DPYD: variants seen among roughly 807,000 people sequenced by gnomAD.
DPYD encodes the protein dihydropyrimidine dehydrogenase [NADP(+)].
Under a neutral mutation model 116.2 loss-of-function variants are expected in DPYD, and 109 were observed. The observed-to-expected ratio is 0.94, with a 90% confidence interval of 0.80 to 1.10. The LOEUF (loss-of-function observed/expected upper bound fraction) is 1.10. DPYD is among the 50% of genes least tolerant of loss of function. The pLI is 0.00. For missense variants in DPYD, 1,302 were observed against 1,254.5 expected, an observed-to-expected ratio of 1.04 and a Z score of -0.57; for synonymous variants, 440 against 432.0, an observed-to-expected ratio of 1.02 and a Z score of -0.23.
chr1:97,270,229 G>A (rs970326563), intron 18 of DPYD, among the ~76,000 whole-genome samples: 8 of 152,080 alleles, frequency 5.3e-5, no homozygotes, highest in African/African-American at 1.7e-4. Context: ...ATAAACAACC[G>A]GAGAATGGGT....
At chr1:97,826,028 G>GTC (rs1669224260) in intron 3 of DPYD, among the ~76,000 whole-genome samples, 5 of 50,112 alleles carry the variant, frequency 1.0e-4, no homozygotes, top group African/African-American at 3.6e-4. Context: ...CCAATAATGT[G>GTC]TGTCTGTGTG....
chr1:97,741,153 A>G (rs1664250187), intron 3 of DPYD, among the ~76,000 whole-genome samples: 1 of 152,110 alleles, frequency 6.6e-6, no homozygotes, highest in Admixed American at 6.6e-5. Context: ...AGCAGCACAC[A>G]TACAATTCAA....
chr1:97,864,769 T>C (rs1671289688), intron 2 of DPYD, among the ~76,000 whole-genome samples: 1 of 151,874 alleles, frequency 6.6e-6, no homozygotes, highest in Admixed American at 6.6e-5. Context: ...ACCAGATTTA[T>C]TAATAGTAAC....
chr1:97,536,079 C>T (rs181829251), intron 12 of DPYD, among the ~76,000 whole-genome samples: 2 of 152,192 alleles, frequency 1.3e-5, no homozygotes, highest in Admixed American at 1.3e-4. Context: ...TTACTACTTG[C>T]CATTGCGAGA....
intron 8 of DPYD, among the ~76,000 whole-genome samples, chr1:97,646,535 G>A (rs1658271161): frequency 6.6e-6 from 1 of 151,908 alleles, no homozygotes; most frequent in Non-Finnish European, 1.5e-5. Context: ...AAACACTCAT[G>A]GTAATACAAG....
At chr1:97,722,105 T>C (rs565005650) in intron 4 of DPYD, among the ~76,000 whole-genome samples, 1 of 151,756 alleles carries the variant, frequency 6.6e-6, no homozygotes, top group African/African-American at 2.4e-5. Flanking sequence ...TTTAACTAAA[T>C]TAAAAGCAGC....
At chr1:97,103,319 A>C (rs1650887415) in intron 20 of DPYD, among the ~76,000 whole-genome samples, 1 of 152,140 alleles carries the variant, frequency 6.6e-6, no homozygotes, top group African/African-American at 2.4e-5. Context: ...TTAGAATCAG[A>C]AGCTCAGATT....
intron 14 of DPYD, among the ~76,000 whole-genome samples, chr1:97,449,224 A>T (rs952796078): frequency 6.6e-6 from 1 of 152,140 alleles, no homozygotes; most frequent in Non-Finnish European, 1.5e-5. Flanking sequence ...ATATGTAGGT[A>T]AAAAAATATT....
chr1:97,254,196 A>G (rs1046472197), intron 18 of DPYD, among the ~76,000 whole-genome samples: 10 of 152,182 alleles, frequency 6.6e-5, no homozygotes, highest in Non-Finnish European at 1.3e-4. Flanking sequence ...GCCGTTTTTC[A>G]CAAACATTTT....
chr1:97,334,683 T>G (rs1351269937), intron 16 of DPYD, among the ~76,000 whole-genome samples: 1 of 152,204 alleles, frequency 6.6e-6, no homozygotes. Context: ...CTCTGTTGAA[T>G]AGCAGCTGTA....
chr1:97,692,976 CA>C (rs2100954024), intron 6 of DPYD, among the ~76,000 whole-genome samples: 1 of 152,120 alleles, frequency 6.6e-6, no homozygotes, highest in East Asian at 1.9e-4. Context: ...TATCAATCAG[CA>C]AGACATCATG....
intron 14 of DPYD, among the ~76,000 whole-genome samples, chr1:97,448,311 A>C (rs1426424685): frequency 6.6e-6 from 1 of 152,212 alleles, no homozygotes; most frequent in Non-Finnish European, 1.5e-5. Flanking sequence ...TTCAAGTTCA[A>C]ATTCTAGCTT....
At chr1:97,429,687 T>C (rs762975371) in intron 14 of DPYD, among the ~76,000 whole-genome samples, 5 of 152,120 alleles carry the variant, frequency 3.3e-5, no homozygotes, top group Non-Finnish European at 7.4e-5. Flanking sequence ...AAAGTATGTC[T>C]ACTACTCAGT....
chr1:97,679,207 A>C, intron 7 of DPYD, 25 bp from the exon 8 acceptor site: 2 of 1,334,468 alleles, frequency 1.5e-6, no homozygotes, highest in African/African-American at 1.4e-5. Flanking sequence ...ATTTTGCATA[A>C]GAAAATTTGG....
At chr1:97,251,348 C>T (rs578155379) in intron 18 of DPYD, among the ~76,000 whole-genome samples, 9 of 133,546 alleles carry the variant, frequency 6.7e-5, no homozygotes, top group Non-Finnish European at 9.2e-5. Flanking sequence ...GCCGAGATTG[C>T]GCCATTGCAC....
intron 2 of DPYD, among the ~76,000 whole-genome samples, chr1:97,867,678 C>A (rs1050937676): frequency 6.6e-6 from 1 of 151,732 alleles, no homozygotes; most frequent in African/African-American, 2.4e-5. Context: ...AATATCCTTT[C>A]ATTATACAAA....
chr1:97,201,024 T>C (rs1247674378), intron 19 of DPYD, among the ~76,000 whole-genome samples: 1 of 152,186 alleles, frequency 6.6e-6, no homozygotes. Context: ...AGACTCAGAA[T>C]TTCTGACCTC....
chr1:97,368,450 A>C (rs1671152614), intron 16 of DPYD, among the ~76,000 whole-genome samples: 1 of 152,182 alleles, frequency 6.6e-6, no homozygotes, highest in Admixed American at 6.5e-5. Context: ...GATGGCAGGA[A>C]AAAGAAAATC....
intron 14 of DPYD, among the ~76,000 whole-genome samples, chr1:97,448,512 A>G (rs1676215126): frequency 6.6e-6 from 1 of 152,156 alleles, no homozygotes; most frequent in Non-Finnish European, 1.5e-5. Context: ...CAGTGCTCAT[A>G]ATATATTATA....
Sources: gnomAD v4.1 joint callset for allele counts (sites outside exome capture counted in the v4.1 genomes callset) on GRCh38, gnomAD v4.1.1 for gene constraint, MANE v1.5 for transcripts, NCBI Gene and HGNC (gene_info 2026-07-23, HGNC 2026-07-21) for gene names.